NEGR1: variants seen among roughly 807,000 people sequenced by gnomAD.
NEGR1 encodes neuronal growth regulator 1.
A neutral mutation model predicts 40.9 loss-of-function variants in NEGR1; 10 were observed. The observed-to-expected ratio is 0.24, with a 90% CI of 0.15 to 0.42. The LOEUF (loss-of-function observed/expected upper bound fraction) is 0.42. Ranked by LOEUF, NEGR1 falls within the 10% of genes least tolerant of loss-of-function variation. The pLI, the probability that NEGR1 is intolerant of heterozygous loss-of-function variation, is 1.00. For missense variants in NEGR1, 352 were observed against 438.9 expected (o/e 0.80, Z 1.77); for synonymous variants, 185 against 166.8 (o/e 1.11, Z -0.84).
At chr1:72,138,270 C>T (rs10218467) in intron 1 of NEGR1, among the ~76,000 whole-genome samples, 1 of 151,628 alleles carries the variant, frequency 6.6e-6, no homozygotes, top group East Asian at 1.9e-4. Flanking sequence ...TAAAAAACCA[C>T]TCCAATAGTC....
intron 1 of NEGR1, among the ~76,000 whole-genome samples, chr1:72,015,176 G>A (rs1449346792): frequency 6.6e-6 from 1 of 151,986 alleles, no homozygotes; most frequent in Non-Finnish European, 1.5e-5. Context: ...TTAAGAAAAA[G>A]TGTCCCTGAA....
chr1:71,555,614 A>G (rs552419653), intron 6 of NEGR1, among the ~76,000 whole-genome samples: 160 of 151,768 alleles, frequency 1.1e-3, no homozygotes, highest in Non-Finnish European at 1.6e-3. Flanking sequence ...GCCACTCTCA[A>G]TCTTCAAAGT....
At chr1:71,414,426 G>A (rs1002782266) in intron 6 of NEGR1, among the ~76,000 whole-genome samples, 2 of 152,086 alleles carry the variant, frequency 1.3e-5, no homozygotes, top group African/African-American at 4.8e-5. Context: ...TAGAGATTAG[G>A]AGAGAAAAAG....
At position 71,401,080 on chromosome 1, in the gene NEGR1, A is replaced by C. The variant is rs1331165481; in HGVS notation, c.*6366T>G. 1 of 152,182 alleles carries C rather than the reference A, an allele frequency of 6.6e-6. No homozygotes were observed. The highest frequency in any genetic ancestry group is 6.5e-5 in the Admixed American group (1 of 15,274). 9.4% of individuals were successfully genotyped at this position (152,182 alleles called of 1,614,324 possible). On this transcript the variant is annotated 3_prime_UTR_variant, in exon 7 of 7. Coordinates refer to ENST00000357731, the MANE Select transcript of NEGR1 (RefSeq NM_173808.3). The stretch of plus-strand genomic sequence containing the variant: ...CATTGCAGAGAAGAATTTTTGCTGA[A>C]ATGAAAAACCACTAATTACTTGGAA...
intron 1 of NEGR1, among the ~76,000 whole-genome samples, chr1:72,021,944 G>C (rs1468675091): frequency 6.6e-6 from 1 of 151,954 alleles, no homozygotes; most frequent in African/African-American, 2.4e-5. Flanking sequence ...GACCATCCTG[G>C]CTAACATGGT....
intron 4 of NEGR1, among the ~76,000 whole-genome samples, chr1:71,636,925 A>C (rs1318142608): frequency 1.3e-5 from 2 of 152,044 alleles, no homozygotes; most frequent in Non-Finnish European, 2.9e-5. Flanking sequence ...AAGTCACGGG[A>C]AAGACTGGGG....
At chr1:72,006,905 T>G (rs1191598656) in intron 1 of NEGR1, among the ~76,000 whole-genome samples, 1 of 152,118 alleles carries the variant, frequency 6.6e-6, no homozygotes, top group Non-Finnish European at 1.5e-5. Flanking sequence ...TAACCACATT[T>G]TGATGAGGGT....
Position 71,396,063 on chromosome 1 carries a change from A to G in NEGR1, c.*11383T>C, listed in dbSNP as rs1320789725. 1.3e-5 allele frequency: 2 copies of G among 152,162 alleles called. No individual in the cohort carries two copies. The highest frequency in any genetic ancestry group is 4.8e-5 in the African/African-American group (2 of 41,436). 9.4% of individuals were successfully genotyped at this position (152,162 alleles called of 1,614,324 possible). The stretch of plus-strand genomic sequence containing the variant: ...TTATGATAGATCCAGGCAACAGGAA[A>G]CACACATGCACACACACACCGACAC... On this transcript the variant is annotated 3_prime_UTR_variant, in exon 7 of 7. Coordinates refer to ENST00000357731, the MANE Select transcript of NEGR1 (RefSeq NM_173808.3).
chr1:71,974,596 A>C (rs888428091), intron 1 of NEGR1, among the ~76,000 whole-genome samples: 100 of 152,286 alleles, frequency 6.6e-4, no homozygotes, highest in African/African-American at 2.1e-3. Context: ...GGTATATCCT[A>C]ATCTGCTAGA....
rs558313395 is a variant in NEGR1 at position 71,787,014 on chromosome 1, T to C, written c.410-10717A>G. ...ACATGCGGTCGCCACATGGAGAGAC[T>C]GTGATAACAGAAAGAGAGAGAGAGA... On this transcript the variant is annotated intron_variant, in intron 2 of 6. Coordinates refer to ENST00000357731, the MANE Select transcript of NEGR1 (RefSeq NM_173808.3). 7.2e-5 allele frequency among the ~76,000 whole-genome samples: 11 copies of C among 152,290 alleles called. No homozygotes were observed. In the South Asian group the frequency reaches 2.3e-3, roughly 32 times the overall value.
chr1:71,887,446 G>A (rs1160444561), intron 2 of NEGR1, among the ~76,000 whole-genome samples: 5 of 152,094 alleles, frequency 3.3e-5, no homozygotes, highest in Non-Finnish European at 1.5e-5. Flanking sequence ...TGAAGTCAGG[G>A]ACAAATATCT....
At chr1:71,731,603 A>C (rs1015097877) in intron 3 of NEGR1, among the ~76,000 whole-genome samples, 8 of 152,236 alleles carry the variant, frequency 5.3e-5, no homozygotes, top group Non-Finnish European at 1.5e-5. Flanking sequence ...TTTTTTAAAA[A>C]TACAAATTTC....
chr1:71,460,152 T>C (rs900981916), intron 6 of NEGR1, among the ~76,000 whole-genome samples: 1 of 152,200 alleles, frequency 6.6e-6, no homozygotes, highest in African/African-American at 2.4e-5. Flanking sequence ...CAACACATAT[T>C]TCAGGTTGGA....
Position 72,171,277 on chromosome 1 carries a change from C to G in NEGR1, c.176+111042G>C, listed in dbSNP as rs141783076. ...AATATTACTAGAGTTACATCAATCT[C>G]AATATAAAGATATTAGAATGCTATA... On this transcript the variant is annotated intron_variant, in intron 1 of 6. Coordinates refer to ENST00000357731, the MANE Select transcript of NEGR1 (RefSeq NM_173808.3). 2.5e-4 allele frequency among the ~76,000 whole-genome samples: 38 copies of G among 152,230 alleles called. No individual in the cohort carries two copies. In the East Asian group the frequency reaches 5.8e-3, roughly 23 times the overall value.
intron 1 of NEGR1, among the ~76,000 whole-genome samples, chr1:72,184,894 G>C (rs1179353983): frequency 3.9e-5 from 6 of 151,964 alleles, no homozygotes; most frequent in African/African-American, 1.4e-4. Context: ...TTAAATGAGA[G>C]AACATGAAAA....
chr1:72,156,576 G>T (rs2100365316), intron 1 of NEGR1, among the ~76,000 whole-genome samples: 1 of 152,206 alleles, frequency 6.6e-6, no homozygotes, highest in Non-Finnish European at 1.5e-5. Flanking sequence ...TTCAATAAAT[G>T]CAAAGTTACA....
intron 1 of NEGR1, among the ~76,000 whole-genome samples, chr1:71,969,801 G>A (rs189483900): frequency 6.6e-6 from 1 of 152,292 alleles, no homozygotes; most frequent in African/African-American, 2.4e-5. Context: ...GTCAGAATAA[G>A]CCTTTTGGAA....
At chr1:71,764,449 G>A (rs558887052) in intron 3 of NEGR1, among the ~76,000 whole-genome samples, 1 of 152,218 alleles carries the variant, frequency 6.6e-6, no homozygotes, top group South Asian at 2.1e-4. Flanking sequence ...ATTACTTGCA[G>A]TTTATTTTAT....
chr1:71,972,134 A>G (rs995195423), intron 1 of NEGR1, among the ~76,000 whole-genome samples: 19 of 152,232 alleles, frequency 1.2e-4, no homozygotes, highest in African/African-American at 4.6e-4. Context: ...TTATAGGTGA[A>G]TGGCAGTTTC....
Sources: gnomAD v4.1 joint callset for allele counts (sites outside exome capture counted in the v4.1 genomes callset) on GRCh38, gnomAD v4.1.1 for gene constraint, MANE v1.5 for transcripts, NCBI Gene and HGNC (gene_info 2026-07-23, HGNC 2026-07-21) for gene names.